Variants in METTL6 observed in about 807,000 individuals in gnomAD.
METTL6 encodes the protein methyltransferase 6, tRNA N3-cytidine, also known as tRNA N(3)-cytidine methyltransferase METTL6.
METTL6 carries 22 observed loss-of-function variants against 26.4 expected under a neutral mutation model. That is an observed-to-expected ratio of 0.83 (90% CI 0.59 to 1.19). METTL6 has a LOEUF of 1.19. Ranked by LOEUF, METTL6 falls within the 50% of genes most tolerant of loss-of-function variation. The probability of loss-of-function intolerance (pLI) is 0.00; values close to 1 mark genes in which losing one functional copy is unlikely to be tolerated. For missense variants in METTL6, 304 were observed against 324.8 expected (o/e 0.94, Z 0.49); for synonymous variants, 109 against 116.2 (o/e 0.94, Z 0.40).
intron 6 of METTL6, among the ~76,000 whole-genome samples, chr3:15,389,936 C>A (rs6807885): frequency 6.6e-6 from 1 of 150,436 alleles, no homozygotes; most frequent in African/African-American, 2.5e-5. Flanking sequence ...CAGTGCATCC[C>A]TGAACTCTTG....
intron 4 of METTL6, chr3:15,414,437 C>A (rs1236205010): frequency 1.3e-6 from 1 of 785,704 alleles, no homozygotes; most frequent in African/African-American, 1.9e-5. Flanking sequence ...CTCACTGCAA[C>A]CTCCGTCTCC....
intron 6 of METTL6, among the ~76,000 whole-genome samples, chr3:15,397,077 C>T (rs1409078723): frequency 6.6e-6 from 1 of 152,220 alleles, no homozygotes; most frequent in Non-Finnish European, 1.5e-5. Context: ...TGCCCGCCCC[C>T]AGAAGTGGAG....
downstream of METTL6, among the ~76,000 whole-genome samples, chr3:15,406,619 TATATATATATAGAGAGAGAG>T (rs1397704651): frequency 4.4e-4 from 19 of 43,470 alleles, no homozygotes; most frequent in East Asian, 6.8e-3. Context: ...TATATATATA[TATATATATATAGAGAGAGAG>T]AGAGAGAGAG....
chr3:15,427,382 C>T lies in METTL6; in HGVS notation c.-125+20G>A. On this transcript the variant is annotated intron_variant, in intron 1 of 5. Transcript: ENST00000383790. ...TCAGTTCCTAAATTCACCTGCAGGG[C>T]TAGGGCCAGGCGCACTCACCCCACA... The T allele has an allele frequency of 3.6e-6, 1 of 275,828 alleles. No individual in the cohort carries two copies. Among genetic ancestry groups the T allele is most frequent in the Non-Finnish European group, 7.1e-6 (1 of 140,442 alleles). 17.1% of individuals were successfully genotyped at this position (275,828 alleles called of 1,614,324 possible). A position where few individuals can be genotyped will look rare whatever the true frequency, so the allele number is the denominator to read the frequency against.
intron 4 of METTL6, chr3:15,415,540 T>C (rs1390950096): frequency 3.8e-6 from 6 of 1,598,472 alleles, no homozygotes; most frequent in Non-Finnish European, 5.1e-6. Context: ...TGCAAAATCA[T>C]CCTTGTCCCA....
intron 6 of METTL6, among the ~76,000 whole-genome samples, chr3:15,401,076 G>A (rs1481024466): frequency 6.6e-6 from 1 of 151,092 alleles, no homozygotes; most frequent in South Asian, 2.1e-4. Flanking sequence ...GTCTCACTCT[G>A]TCGCCCAGGC....
chr3:15,402,515 C>T (rs1699674493), intron 6 of METTL6, among the ~76,000 whole-genome samples: 1 of 151,990 alleles, frequency 6.6e-6, no homozygotes, highest in Non-Finnish European at 1.5e-5. Context: ...GGGCAGATCA[C>T]CTGAGGTCAG....
intron 6 of METTL6, among the ~76,000 whole-genome samples, chr3:15,396,759 CCT>C (rs963481828): frequency 6.6e-6 from 1 of 152,122 alleles, no homozygotes; most frequent in Non-Finnish European, 1.5e-5. Flanking sequence ...CATTCCAGAC[CCT>C]GTTTGCCTGG....
At chr3:15,396,762 G>A (rs1559481343) in intron 6 of METTL6, among the ~76,000 whole-genome samples, 1 of 152,188 alleles carries the variant, frequency 6.6e-6, no homozygotes, top group East Asian at 1.9e-4. Flanking sequence ...TCCAGACCCT[G>A]TTTGCCTGGG....
rs1699916559 is a variant in METTL6, at chr3:15,410,302, TATGTGA to T, written c.*948_*953del. Among the ~76,000 whole-genome samples the T allele has an allele frequency of 6.6e-6, 1 of 152,126 alleles. No individual in the cohort carries two copies. The highest frequency in any genetic ancestry group is 2.4e-5 in the African/African-American group (1 of 41,422). On this transcript the variant is annotated 3_prime_UTR_variant, in exon 6 of 6. Coordinates refer to ENST00000383790, the MANE Select transcript of METTL6 (RefSeq NM_152396.4). ...TTTAACAATATACCGTAATAAAAGT[TATGTGA>T]ATGTGATCTTTCAAATTTTTTTTGT... is the stretch of plus-strand genomic sequence containing the variant.
intron 6 of METTL6, among the ~76,000 whole-genome samples, chr3:15,391,069 T>G (rs1699332082): frequency 6.6e-6 from 1 of 152,224 alleles, no homozygotes; most frequent in South Asian, 2.1e-4. Flanking sequence ...CAAAGCCGCA[T>G]CATCTGAAGT....
In METTL6 at chr3:15,424,845, C is replaced by T; in HGVS notation, c.360+110G>A. On this transcript the variant is annotated intron_variant, in intron 3 of 5. Coordinates refer to ENST00000383790, the MANE Select transcript of METTL6 (RefSeq NM_152396.4). ...ACAACTACATGTATGGTGACTATAG[C>T]TGGTTAGCTCCAGGGAAGACTAGAA... 15 of 1,406,644 alleles carry T rather than the reference C, an allele frequency of 1.1e-5. No homozygotes were observed. The South Asian group carries it at 1.5e-4, about 14-fold the overall frequency. 87.1% of individuals were successfully genotyped at this position (1,406,644 alleles called of 1,614,324 possible). A position where few individuals can be genotyped will look rare whatever the true frequency, so the allele number is the denominator to read the frequency against.
At chr3:15,406,596 ATATATAT>A (rs1559485548), downstream of METTL6, among the ~76,000 whole-genome samples, 3 of 4,146 alleles carry the variant, frequency 7.2e-4, no homozygotes, top group African/African-American at 1.9e-3. Flanking sequence ...TTATATATAT[ATATATAT>A]ATATATATAT....
chr3:15,426,455 C>G lies in METTL6; in HGVS notation c.57G>C (p.Glu19Asp). 6.2e-7 allele frequency: 1 copy of G among 1,614,170 alleles called. No individual in the cohort carries two copies. The highest frequency in any genetic ancestry group is 1.1e-5 in the South Asian group (1 of 91,090). The change falls in exon 2 of 6, where the codon GAG (glutamate) becomes GAC (aspartate). Residue 19 changes from glutamate to aspartate, a missense_variant. Transcript: ENST00000383790. Reference sequence around the variant, plus strand: ...AAGTTTGGTCTCTTTTCAGTTTCTCCTCTTCTTCAGAGGTGAGAATCCTTG... The same window carrying G: ...AAGTTTGGTCTCTTTTCAGTTTCTCGTCTTCTTCAGAGGTGAGAATCCTTG... ...LQARILTSEE[E>D]EKLKRDQTLV...
intron 2 of METTL6, 32 bp downstream of exon 2, chr3:15,426,251 GAAGA>G (rs776920276): frequency 1.3e-6 from 2 of 1,591,268 alleles, no homozygotes; most frequent in Admixed American, 3.4e-5. Flanking sequence ...CATTTTAAAT[GAAGA>G]ACAGCTCAGA....
At chr3:15,407,746 G>A (rs575197688), downstream of METTL6, among the ~76,000 whole-genome samples, 6 of 152,132 alleles carry the variant, frequency 3.9e-5, no homozygotes, top group African/African-American at 1.4e-4. Flanking sequence ...CTAGTCCTTT[G>A]GGGGTTATAT....
In METTL6 at chr3:15,426,318, CTGG is replaced by C. The variant is rs765658558; in HGVS notation, c.191_193del (p.Thr64del). The C allele has an allele frequency of 9.3e-6, 15 of 1,614,090 alleles. No homozygotes were observed. The highest frequency in any genetic ancestry group is 1.3e-5 in the Non-Finnish European group (15 of 1,180,030). On this transcript the variant is annotated inframe_deletion, in exon 2 of 6. Coordinates refer to ENST00000383790, the MANE Select transcript of METTL6 (RefSeq NM_152396.4). ...ACATGATCTTAGCTCCTCAAACTCT[CTGG>C]TGGTCCAGTGTCTGTCTTTGAAGAA...
chr3:15,427,550 A>G, upstream of METTL6: 1 of 546,632 alleles, frequency 1.8e-6, no homozygotes, highest in Non-Finnish European at 3.3e-6. Flanking sequence ...GGAACCCGGA[A>G]GTTCCTACCC....
intron 2 of METTL6, 141 bp downstream of exon 2, chr3:15,426,146 G>T: frequency 1.4e-6 from 1 of 734,580 alleles, no homozygotes; most frequent in Non-Finnish European, 2.2e-6. Flanking sequence ...TCATCATGTT[G>T]GCCAGGATGG....
Sources: gnomAD v4.1 joint callset for allele counts (sites outside exome capture counted in the v4.1 genomes callset) on GRCh38, gnomAD v4.1.1 for gene constraint, MANE v1.5 for transcripts, NCBI Gene and HGNC (gene_info 2026-07-23, HGNC 2026-07-21) for gene names.